The following DMD variants were observed in gnomAD, a reference collection of about 807,000 sequenced individuals.
DMD encodes the protein mutant dystrophin.
Under a neutral mutation model 330.1 loss-of-function variants are expected in DMD, and 63 were observed. The ratio of observed to expected loss-of-function variants is 0.19; its 90% CI spans 0.16 to 0.24. The LOEUF (loss-of-function observed/expected upper bound fraction) is 0.24. DMD is among the 10% of genes least tolerant of loss of function. DMD has a pLI of 1.00. For missense variants in DMD, 3,344 were observed against 2,684.1 expected, an observed-to-expected ratio of 1.25 and a Z score of -5.43; for synonymous variants, 1,223 against 959.8, an observed-to-expected ratio of 1.27 and a Z score of -5.07.
At chrX:32,383,981 T>G (rs751135633) in intron 33 of DMD, among the ~76,000 whole-genome samples, 1 of 110,179 alleles carries the variant, frequency 9.1e-6, no homozygotes, top group East Asian at 2.8e-4. Context: ...AAACTCCCCT[T>G]TACCAAAACA....
intron 61 of DMD, among the ~76,000 whole-genome samples, chrX:31,329,169 C>T (rs753846468): frequency 4.5e-5 from 5 of 112,191 alleles, no homozygotes; most frequent in Admixed American, 3.8e-4. Context: ...CTGGTATCAA[C>T]ATTTGTGTAC....
intron 2 of DMD, 111 bp from the exon 3 acceptor site, chrX:32,849,931 A>C (rs769803411): frequency 4.9e-6 from 3 of 617,235 alleles, no homozygotes; most frequent in Non-Finnish European, 5.2e-6. Flanking sequence ...ATTAGTGTGC[A>C]TAATTAATCT....
chrX:32,327,666 C>T (rs1175075113), intron 41 of DMD, among the ~76,000 whole-genome samples: 1 of 111,196 alleles, frequency 9.0e-6, no homozygotes, highest in African/African-American at 3.3e-5. Context: ...CCTAAAATAG[C>T]TTGTTCTCTG....
chrX:33,041,176 T>C (rs5928160), intron 1 of DMD, among the ~76,000 whole-genome samples: 7,821 of 113,245 alleles, frequency 0.069, 451 homozygotes, highest in East Asian at 0.46. Flanking sequence ...CTACAGATGT[T>C]AATATTGGAA....
At chrX:31,188,513 C>T (rs995885979) in intron 67 of DMD, among the ~76,000 whole-genome samples, 1 of 112,021 alleles carries the variant, frequency 8.9e-6, no homozygotes, top group Non-Finnish European at 1.9e-5. Flanking sequence ...TCAAGGGTGA[C>T]CTTGTCCTCA....
chrX:32,004,965 C>T (rs907232180), intron 44 of DMD, among the ~76,000 whole-genome samples: 2 of 111,322 alleles, frequency 1.8e-5, no homozygotes, highest in East Asian at 2.8e-4. Flanking sequence ...CAAGTCAGCT[C>T]GTTTTTCTTT....
chrX:31,629,180 T>A (rs1294548512), intron 54 of DMD, among the ~76,000 whole-genome samples: 1 of 111,684 alleles, frequency 9.0e-6, no homozygotes, highest in Non-Finnish European at 1.9e-5. Flanking sequence ...AATTGAACAC[T>A]TGAATATGAT....
chrX:31,845,684 G>T (rs2093415282), intron 48 of DMD, among the ~76,000 whole-genome samples: 1 of 110,353 alleles, frequency 9.1e-6, no homozygotes, highest in Admixed American at 9.8e-5. Flanking sequence ...GTGGATAAAG[G>T]ACTGGCAGGA....
At chrX:31,875,635 C>A (rs1044921081) in intron 47 of DMD, among the ~76,000 whole-genome samples, 6 of 111,850 alleles carry the variant, frequency 5.4e-5, no homozygotes, top group African/African-American at 1.3e-4. Context: ...AAAACACACA[C>A]CTTACACAAA....
intron 1 of DMD, among the ~76,000 whole-genome samples, chrX:33,230,439 G>A (rs919252061): frequency 9.9e-5 from 11 of 110,621 alleles, no homozygotes; most frequent in Non-Finnish European, 2.1e-4. Context: ...AACCCTAAAG[G>A]CATTTTTAAA....
chrX:31,584,386 G>T (rs1394232195), intron 55 of DMD, among the ~76,000 whole-genome samples: 1 of 110,687 alleles, frequency 9.0e-6, no homozygotes, highest in Non-Finnish European at 1.9e-5. Context: ...GTGTTAGTTT[G>T]CTGAGGATAA....
Position 32,333,845 on chromosome X carries a change from C to T in DMD, c.5922+8255G>A, listed in dbSNP as rs150838009. On this transcript the variant is annotated intron_variant, in intron 41 of 78. Coordinates refer to ENST00000357033, the MANE Select transcript of DMD (RefSeq NM_004006.3). ...AAGGTCTTGAAAACTTCTTCCTAGC[C>T]ATTAGGCTCTCAATCCAGGTTCAGT... Among the ~76,000 whole-genome samples the T allele has an allele frequency of 9.8e-4, 109 of 111,758 alleles. 1 individual carries two copies. Among genetic ancestry groups the T allele is most frequent in the African/African-American group, 3.4e-3 (105 of 30,860 alleles).
At chrX:31,595,708 A>C (rs1039224287) in intron 55 of DMD, among the ~76,000 whole-genome samples, 5 of 99,953 alleles carry the variant, frequency 5.0e-5, no homozygotes, top group African/African-American at 1.4e-4. Context: ...ACAAGGAAAA[A>C]AGGTATTTCA....
intron 17 of DMD, among the ~76,000 whole-genome samples, chrX:32,542,359 G>A (rs972236524): frequency 8.9e-6 from 1 of 111,910 alleles, no homozygotes; most frequent in East Asian, 2.8e-4. Context: ...TTGAAACCAG[G>A]AGGCGGAGGT....
At chrX:32,447,120 A>C (rs1322557389) in intron 27 of DMD, among the ~76,000 whole-genome samples, 2 of 110,897 alleles carry the variant, frequency 1.8e-5, no homozygotes, top group East Asian at 5.6e-4. Flanking sequence ...ATAAGAAAGT[A>C]ATAGTAGGTG....
intron 12 of DMD, among the ~76,000 whole-genome samples, chrX:32,601,978 T>G (rs2056256230): frequency 8.9e-6 from 1 of 112,061 alleles, no homozygotes; most frequent in Non-Finnish European, 1.9e-5. Context: ...TATTTTACCC[T>G]CATCTAATAC....
intron 47 of DMD, among the ~76,000 whole-genome samples, chrX:31,918,379 G>T (rs1341867627): frequency 1.8e-5 from 2 of 111,108 alleles, no homozygotes; most frequent in Non-Finnish European, 3.8e-5. Context: ...GTTATGAACT[G>T]CAAGTTTAGT....
At chrX:31,470,625 G>C (rs913498669) in intron 59 of DMD, among the ~76,000 whole-genome samples, 1 of 112,189 alleles carries the variant, frequency 8.9e-6, no homozygotes, top group Non-Finnish European at 1.9e-5. Context: ...AGGCACGGGG[G>C]TCAGGACCCC....
Position 32,345,999 on chromosome X carries a change from G to T in DMD, c.5530C>A (p.Arg1844=), listed in dbSNP as rs1064325. 7.5e-5 allele frequency: 91 copies of T among 1,205,999 alleles called. No individual in the cohort carries two copies. The highest frequency in any genetic ancestry group is 1.0e-4 in the Non-Finnish European group (89 of 893,291). The stretch of plus-strand genomic sequence containing the variant: ...TGCTGTTTTATCTTTATTTCCTCTC[G>T]CTTTCTCTCATCTGTGATTCTTTGT... The part of the protein sequence containing the change: ...LQQRITDERK[R]EEIKIKQQLL... The change falls in exon 39 of 79, where the codon CGA becomes AGA. Residue 1844 remains arginine, a synonymous_variant. Transcript: ENST00000357033.
Sources: allele counts gnomAD v4.1 joint callset (sites outside exome capture counted in the v4.1 genomes callset), GRCh38; gene constraint gnomAD v4.1.1; transcripts MANE v1.5; gene names NCBI Gene and HGNC (gene_info 2026-07-23, HGNC 2026-07-21).